NCKAP1L: variants seen among roughly 807,000 people sequenced by gnomAD.
NCKAP1L encodes nck-associated protein 1-like.
In NCKAP1L, 53 loss-of-function variants were observed where a neutral mutation model predicts 139.2. The ratio of observed to expected loss-of-function variants is 0.38; its 90% CI spans 0.31 to 0.48. The LOEUF (loss-of-function observed/expected upper bound fraction) is 0.48, where lower values mean the gene tolerates loss of function less well. NCKAP1L is among the 20% of genes least tolerant of loss of function. The pLI is 0.98. For synonymous variants in NCKAP1L, 468 were observed against 499.7 expected, an observed-to-expected ratio of 0.94 and a Z score of 0.85; for missense variants, 1,151 against 1,381.9, an observed-to-expected ratio of 0.83 and a Z score of 2.65.
rs138035937 is a variant in NCKAP1L, at chr12:54,547,511, T to TGC, written c.*4827_*4828insCG. 15 of 151,328 alleles carry TGC rather than the reference T, an allele frequency of 9.9e-5. No homozygotes were observed. Among genetic ancestry groups the TGC allele is most frequent in the African/African-American group, 3.4e-4 (14 of 41,092 alleles). The allele number at this position is 151,328 out of a possible 1,614,324, so 9.4% of individuals were successfully genotyped here. A position where few individuals can be genotyped will look rare whatever the true frequency, so the allele number is the denominator to read the frequency against. On this transcript the variant is annotated 3_prime_UTR_variant, in exon 31 of 31. Transcript: ENST00000293373. ...AACTTTGTGTGTGTGTGCGTGTGTG[T>TGC]GTGTGTGTGTGTGTGTGTGTGTGAA... is the stretch of plus-strand genomic sequence containing the variant.
At chr12:54,503,292 TA>T (rs1225556275) in intron 3 of NCKAP1L, among the ~76,000 whole-genome samples, 1 of 152,112 alleles carries the variant, frequency 6.6e-6, no homozygotes, top group Non-Finnish European at 1.5e-5. Flanking sequence ...GAGCATGTAT[TA>T]TTTTTATAAA....
Position 54,547,964 on chromosome 12 carries a change from C to T in NCKAP1L, c.*5279C>T, listed in dbSNP as rs1957212421. ...CTTTTTTCTCCATCTCTGACTCTGC[C>T]ATCTCTTTCTGCCTCTGTACTTTCT... On this transcript the variant is annotated 3_prime_UTR_variant, in exon 31 of 31. Coordinates refer to ENST00000293373, the MANE Select transcript of NCKAP1L (RefSeq NM_005337.5). 1 of 152,164 alleles carries T rather than the reference C, an allele frequency of 6.6e-6. No individual in the cohort carries two copies. Among genetic ancestry groups the T allele is most frequent in the Non-Finnish European group, 1.5e-5 (1 of 68,056 alleles). The allele number at this position is 152,164 out of a possible 1,614,324, so 9.4% of individuals were successfully genotyped here.
chr12:54,501,672 G>A (rs1956799060), intron 3 of NCKAP1L, among the ~76,000 whole-genome samples: 1 of 151,990 alleles, frequency 6.6e-6, no homozygotes, highest in South Asian at 2.1e-4. Context: ...ACCTGGCTAA[G>A]TTTTTATATT....
At chr12:54,498,691 A>T in intron 1 of NCKAP1L, 1 of 646,266 alleles carries the variant, frequency 1.5e-6, no homozygotes, top group Non-Finnish European at 1.9e-6. Context: ...CAAAATTGTG[A>T]CACTGAATCT....
intron 22 of NCKAP1L, among the ~76,000 whole-genome samples, chr12:54,530,292 A>G (rs893670307): frequency 6.6e-6 from 1 of 152,226 alleles, no homozygotes; most frequent in African/African-American, 2.4e-5. Flanking sequence ...GCCCACAGCC[A>G]GAGATCATAG....
At chr12:54,523,600 A>T in intron 19 of NCKAP1L, 61 bp downstream of exon 19, 5 of 1,553,724 alleles carry the variant, frequency 3.2e-6, no homozygotes, top group Non-Finnish European at 3.5e-6. Flanking sequence ...AGGAAAGGAA[A>T]GAGGGAAGGT....
chr12:54,500,188 A>G (rs1956786535), intron 2 of NCKAP1L, among the ~76,000 whole-genome samples: 1 of 150,722 alleles, frequency 6.6e-6, no homozygotes, highest in Admixed American at 6.6e-5. Flanking sequence ...CAGTAGCACA[A>G]TCTTGGCTCA....
chr12:54,526,473 T>G, intron 20 of NCKAP1L, 55 bp from the exon 21 acceptor site: 1 of 1,358,466 alleles, frequency 7.4e-7, no homozygotes, highest in Non-Finnish European at 1.0e-6. Context: ...CAACAATTGT[T>G]ACTGTATTTG....
Position 54,531,566 on chromosome 12 carries a change from C to T in NCKAP1L, c.2680C>T (p.Leu894=). The stretch of plus-strand genomic sequence containing the variant: ...TAGCAAGCCGGACTTGATGGCTTCC[C>T]TGCTGCCCCAGCTGACAGGTAAGCA... ...NFSKPDLMAS[L]LPQLTGAENV... is the part of the protein sequence containing the mutation. Residue 894 remains leucine, a synonymous_variant, in exon 24 of 31, where the codon CTG becomes TTG. Coordinates refer to ENST00000293373, the MANE Select transcript of NCKAP1L (RefSeq NM_005337.5). 6.2e-7 allele frequency: 1 copy of T among 1,614,168 alleles called. No individual in the cohort carries two copies. The highest frequency in any genetic ancestry group is 8.5e-7 in the Non-Finnish European group (1 of 1,180,030).
At chr12:54,509,519 C>T in intron 5 of NCKAP1L, 150 bp from the exon 6 acceptor site, 2 of 621,730 alleles carry the variant, frequency 3.2e-6, no homozygotes, top group Non-Finnish European at 5.8e-6. Flanking sequence ...AGTGGGGTAT[C>T]TTTATATGTA....
chr12:54,506,092 T>G (rs1161349432), intron 3 of NCKAP1L, among the ~76,000 whole-genome samples: 1 of 152,254 alleles, frequency 6.6e-6, no homozygotes, highest in Non-Finnish European at 1.5e-5. Flanking sequence ...AACTTTCAAG[T>G]ACAAATCTTT....
At chr12:54,520,031 T>G (rs1200460190) in intron 16 of NCKAP1L, among the ~76,000 whole-genome samples, 1 of 152,232 alleles carries the variant, frequency 6.6e-6, no homozygotes, top group Non-Finnish European at 1.5e-5. Flanking sequence ...TAGATAGCAC[T>G]TGACGTTTTT....
chr12:54,504,415 T>C (rs576527429), intron 3 of NCKAP1L, among the ~76,000 whole-genome samples: 1 of 152,184 alleles, frequency 6.6e-6, no homozygotes, highest in East Asian at 1.9e-4. Flanking sequence ...CATTGTGGAA[T>C]TGAGAGTAGT....
At chr12:54,510,084 A>G in intron 7 of NCKAP1L, 99 bp downstream of exon 7, 1 of 1,444,328 alleles carries the variant, frequency 6.9e-7, no homozygotes, top group East Asian at 2.3e-5. Flanking sequence ...GTACTAAAGA[A>G]TGCTTTAGTC....
chr12:54,516,222 CT>C lies in NCKAP1L; in HGVS notation c.942-15del, dbSNP rs1565676173. ...GGGTAGCATGGTCAACCCCATTGTG[CT>C]TGTGTCAATCCTCAGGTATGGCAAG... On this transcript the variant is annotated splice_polypyrimidine_tract_variant and intron_variant, in intron 9 of 30. Coordinates refer to ENST00000293373, the MANE Select transcript of NCKAP1L (RefSeq NM_005337.5). 1 of 1,613,652 alleles carries C rather than the reference CT, an allele frequency of 6.2e-7. No homozygotes were observed. Among genetic ancestry groups the C allele is most frequent in the East Asian group, 2.2e-5 (1 of 44,876 alleles).
intron 16 of NCKAP1L, 72 bp from the exon 17 acceptor site, chr12:54,520,622 C>G: frequency 6.6e-7 from 1 of 1,522,840 alleles, no homozygotes; most frequent in South Asian, 1.1e-5. Context: ...TTTTTCTTTT[C>G]CTTTATTTTT....
chr12:54,528,172 A>C, intron 21 of NCKAP1L, 75 bp from the exon 22 acceptor site: 1 of 1,533,952 alleles, frequency 6.5e-7, no homozygotes. Flanking sequence ...TTCTGAGCTC[A>C]GTGGTAGTAG....
At chr12:54,531,888 G>A in intron 25 of NCKAP1L, 63 bp downstream of exon 25, 1 of 1,354,436 alleles carries the variant, frequency 7.4e-7, no homozygotes, top group Non-Finnish European at 1.0e-6. Context: ...GGGTTTGTAT[G>A]ATAATTTGTG....
intron 29 of NCKAP1L, among the ~76,000 whole-genome samples, chr12:54,538,247 GA>G (rs1185003531): frequency 6.6e-6 from 1 of 152,210 alleles, no homozygotes; most frequent in African/African-American, 2.4e-5. Flanking sequence ...CACCCAACCA[GA>G]TAGACCTGGC....
Sources: gnomAD v4.1 joint callset for allele counts (sites outside exome capture counted in the v4.1 genomes callset) on GRCh38, gnomAD v4.1.1 for gene constraint, MANE v1.5 for transcripts, NCBI Gene and HGNC (gene_info 2026-07-23, HGNC 2026-07-21) for gene names.